The following ENTHD1 variants were observed in gnomAD, a reference collection of about 807,000 sequenced individuals.
The protein encoded by ENTHD1 is ENTH domain-containing protein 1.
Under a neutral mutation model 39.1 loss-of-function variants are expected in ENTHD1, and 23 were observed. The observed-to-expected ratio is 0.59, with a 90% confidence interval of 0.42 to 0.83. ENTHD1 has a LOEUF of 0.83. ENTHD1 is among the 40% of genes least tolerant of loss of function. The pLI is 0.00. For missense variants in ENTHD1, 624 were observed against 705.4 expected, an observed-to-expected ratio of 0.88 and a Z score of 1.31; for synonymous variants, 230 against 258.2, an observed-to-expected ratio of 0.89 and a Z score of 1.05.
At chr22:39,798,639 C>T (rs534665168) in intron 5 of ENTHD1, among the ~76,000 whole-genome samples, 24 of 152,218 alleles carry the variant, frequency 1.6e-4, no homozygotes, top group African/African-American at 5.3e-4. Context: ...CAACAACAAG[C>T]TGAGGGTGCC....
chr22:39,772,747 A>G (rs1376307456), intron 5 of ENTHD1, among the ~76,000 whole-genome samples: 1 of 152,212 alleles, frequency 6.6e-6, no homozygotes, highest in African/African-American at 2.4e-5. Flanking sequence ...CACCCTATAA[A>G]AACAAAATTG....
At chr22:39,799,279 A>G (rs895465042) in intron 5 of ENTHD1, among the ~76,000 whole-genome samples, 1 of 152,294 alleles carries the variant, frequency 6.6e-6, no homozygotes, top group Admixed American at 6.5e-5. Context: ...AGCCATAGGC[A>G]GGTAGTTCTC....
intron 6 of ENTHD1, among the ~76,000 whole-genome samples, chr22:39,760,088 A>T (rs2065219854): frequency 6.6e-6 from 1 of 152,060 alleles, no homozygotes; most frequent in South Asian, 2.1e-4. Context: ...ATGTTAAAAA[A>T]AAGAAAAATA....
At position 39,861,762 on chromosome 22, in the gene ENTHD1, T is replaced by A; in HGVS notation, c.592+3A>T. The A allele has an allele frequency of 6.6e-7, 1 of 1,522,856 alleles. No homozygotes were observed. The highest frequency in any genetic ancestry group is 1.4e-5 in the South Asian group (1 of 72,934). 94.3% of individuals were successfully genotyped at this position (1,522,856 alleles called of 1,614,324 possible). A position where few individuals can be genotyped will look rare whatever the true frequency, so the allele number is the denominator to read the frequency against. On this transcript the variant is annotated splice_donor_region_variant and intron_variant, in intron 3 of 6. Transcript: ENST00000325157. ...ATTTTAGGCCAATGTTCATTATACG[T>A]ACTTTTATTATGTAACCTTCCAAAC...
intron 4 of ENTHD1, among the ~76,000 whole-genome samples, chr22:39,829,671 G>A (rs1365649422): frequency 2.0e-5 from 3 of 151,862 alleles, no homozygotes; most frequent in Non-Finnish European, 4.4e-5. Context: ...GGCGCCTATA[G>A]TACCAGCTAC....
intron 4 of ENTHD1, among the ~76,000 whole-genome samples, chr22:39,823,522 AT>A (rs932488195): frequency 3.4e-4 from 50 of 145,598 alleles, no homozygotes; most frequent in Admixed American, 4.1e-4. Context: ...ATTTTTTTTA[AT>A]TTTTTTTTTT....
chr22:39,848,820 A>G (rs1464948304), intron 3 of ENTHD1, among the ~76,000 whole-genome samples: 1 of 152,192 alleles, frequency 6.6e-6, no homozygotes, highest in Non-Finnish European at 1.5e-5. Context: ...TTCAATGTAA[A>G]AAATATATTC....
chr22:39,802,614 G>A (rs1569146734), intron 5 of ENTHD1, among the ~76,000 whole-genome samples: 1 of 152,336 alleles, frequency 6.6e-6, no homozygotes, highest in South Asian at 2.1e-4. Flanking sequence ...CCACCTTGGG[G>A]AAGAGGAATT....
At chr22:39,789,307 C>A (rs1040048751) in intron 5 of ENTHD1, among the ~76,000 whole-genome samples, 3 of 152,024 alleles carry the variant, frequency 2.0e-5, no homozygotes, top group Non-Finnish European at 4.4e-5. Context: ...TTTCATCTTT[C>A]TCTTGCTCCC....
chr22:39,861,191 C>T (rs1168178231), intron 3 of ENTHD1, among the ~76,000 whole-genome samples: 3 of 152,142 alleles, frequency 2.0e-5, no homozygotes, highest in Non-Finnish European at 4.4e-5. Context: ...AGTTTAATAC[C>T]TTAAAAGCTC....
intron 5 of ENTHD1, among the ~76,000 whole-genome samples, chr22:39,787,951 C>T (rs2065473012): frequency 6.6e-6 from 1 of 152,108 alleles, no homozygotes; most frequent in South Asian, 2.1e-4. Context: ...TGCTCCTTTC[C>T]CATTCCAAAA....
chr22:39,864,379 G>T (rs1057429079), intron 2 of ENTHD1, among the ~76,000 whole-genome samples: 4 of 152,088 alleles, frequency 2.6e-5, no homozygotes, highest in African/African-American at 9.7e-5. Context: ...CAGGTCTCAA[G>T]TGTCACCTCC....
chr22:39,849,490 C>T (rs1444753052), intron 3 of ENTHD1, among the ~76,000 whole-genome samples: 1 of 152,264 alleles, frequency 6.6e-6, no homozygotes, highest in East Asian at 1.9e-4. Flanking sequence ...TCCACTAAAT[C>T]TAGACAATTT....
At chr22:39,843,777 G>A (rs948551850) in intron 3 of ENTHD1, among the ~76,000 whole-genome samples, 2 of 152,126 alleles carry the variant, frequency 1.3e-5, no homozygotes, top group African/African-American at 2.4e-5. Context: ...CTGCCTTGAT[G>A]TAGGATTCCT....
intron 2 of ENTHD1, among the ~76,000 whole-genome samples, chr22:39,874,743 C>T (rs1263845154): frequency 6.6e-6 from 1 of 152,126 alleles, no homozygotes; most frequent in Admixed American, 6.5e-5. Context: ...CAAAAGATGT[C>T]CTTGTGGGCA....
At chr22:39,861,119 C>T (rs1384305894) in intron 3 of ENTHD1, among the ~76,000 whole-genome samples, 2 of 152,222 alleles carry the variant, frequency 1.3e-5, no homozygotes, top group Non-Finnish European at 2.9e-5. Context: ...TGTACTCCTT[C>T]ACTTTCCAGT....
chr22:39,861,463 C>G (rs1473225919), intron 3 of ENTHD1, among the ~76,000 whole-genome samples: 3 of 151,988 alleles, frequency 2.0e-5, no homozygotes, highest in African/African-American at 7.3e-5. Flanking sequence ...TTGCTTGAAC[C>G]CAGGAGACAG....
At chr22:39,780,924 A>C (rs1232462164) in intron 5 of ENTHD1, among the ~76,000 whole-genome samples, 4 of 151,234 alleles carry the variant, frequency 2.6e-5, no homozygotes, top group Non-Finnish European at 5.9e-5. Context: ...GTGTGAACCC[A>C]GGAGGGGGAG....
intron 3 of ENTHD1, among the ~76,000 whole-genome samples, chr22:39,850,735 A>C (rs568516804): frequency 1.3e-5 from 2 of 152,260 alleles, no homozygotes; most frequent in South Asian, 4.1e-4. Flanking sequence ...TTTACCTTTA[A>C]AAGTTTACAG....
Sources: gnomAD v4.1 joint callset for allele counts (sites outside exome capture counted in the v4.1 genomes callset) on GRCh38, gnomAD v4.1.1 for gene constraint, MANE v1.5 for transcripts, NCBI Gene and HGNC (gene_info 2026-07-23, HGNC 2026-07-21) for gene names.